The following MTA3 variants were observed in gnomAD, a reference collection of about 807,000 sequenced individuals.
The protein encoded by MTA3 is metastasis associated 1 family member 3.
MTA3 carries 34 observed loss-of-function variants against 83.5 expected under a neutral mutation model. The observed-to-expected ratio is 0.41, with a 90% CI of 0.31 to 0.54. The LOEUF (loss-of-function observed/expected upper bound fraction) is 0.54. Among genes scored for constraint, MTA3 ranks in the 20% least tolerant of loss-of-function variants. The probability of loss-of-function intolerance (pLI) is 0.33; values close to 1 mark genes in which losing one functional copy is unlikely to be tolerated. For missense variants in MTA3, 761 were observed against 726.4 expected (o/e 1.05, Z -0.55); for synonymous variants, 303 against 252.7 (o/e 1.20, Z -1.89).
At chr2:42,613,472 C>A (rs1452439326) in intron 4 of MTA3, among the ~76,000 whole-genome samples, 1 of 152,356 alleles carries the variant, frequency 6.6e-6, no homozygotes. Flanking sequence ...AGCCCACATG[C>A]TGATGTAGAA....
intron 2 of MTA3, among the ~76,000 whole-genome samples, chr2:42,499,655 A>T (rs1201466371): frequency 6.6e-6 from 1 of 151,052 alleles, no homozygotes; most frequent in Non-Finnish European, 1.5e-5. Context: ...CGGGGTGGTG[A>T]TGCATGCCTG....
At chr2:42,676,740 T>G (rs1361929334) in intron 8 of MTA3, among the ~76,000 whole-genome samples, 1 of 152,228 alleles carries the variant, frequency 6.6e-6, no homozygotes, top group Admixed American at 6.5e-5. Context: ...CACTCCAACC[T>G]GGGCAACAGA....
At chr2:42,688,651 G>T (rs1431908609) in intron 9 of MTA3, among the ~76,000 whole-genome samples, 5 of 133,658 alleles carry the variant, frequency 3.7e-5, no homozygotes, top group African/African-American at 8.5e-5. Context: ...CTCCTAATCT[G>T]CAGCTTTTAT....
chr2:42,723,251 T>G, intron 16 of MTA3: 1 of 551,744 alleles, frequency 1.8e-6, no homozygotes, highest in Non-Finnish European at 3.1e-6. Context: ...TCCCATCTCC[T>G]GTTAGGAGGC....
intron 2 of MTA3, among the ~76,000 whole-genome samples, chr2:42,549,621 T>TTATATACATATACATATATAATATATAA (rs1677013060): frequency 2.5e-5 from 3 of 121,456 alleles, no homozygotes; most frequent in South Asian, 2.2e-4. Flanking sequence ...ATATAATATA[T>TTATATACATATACATATATAATATATAA]TATATACATA....
chr2:42,606,059 G>A (rs1190791064), intron 3 of MTA3, among the ~76,000 whole-genome samples: 3 of 121,708 alleles, frequency 2.5e-5, no homozygotes, highest in Non-Finnish European at 5.3e-5. Context: ...GCGGCTGGCC[G>A]GGTGGGGGGG....
At chr2:42,748,201 T>TGTGTGTGTGTGTGTG (rs1553402307) in intron 16 of MTA3, among the ~76,000 whole-genome samples, 16 of 137,714 alleles carry the variant, frequency 1.2e-4, no homozygotes, top group Non-Finnish European at 2.1e-4. Context: ...GCTAATGTGT[T>TGTGTGTGTGTGTGTG]TGTGTGTGTG....
At chr2:42,547,947 G>C (rs1024968526) in intron 2 of MTA3, among the ~76,000 whole-genome samples, 2 of 152,168 alleles carry the variant, frequency 1.3e-5, no homozygotes, top group South Asian at 4.1e-4. Context: ...GTTCGTCCAC[G>C]AGGACTCAAA....
intron 2 of MTA3, among the ~76,000 whole-genome samples, chr2:42,546,480 C>A (rs1676764049): frequency 6.7e-6 from 1 of 148,892 alleles, no homozygotes; most frequent in African/African-American, 2.5e-5. Context: ...GCCATCTAAC[C>A]TGGCAACTTT....
intron 8 of MTA3, among the ~76,000 whole-genome samples, chr2:42,665,278 G>C (rs894204031): frequency 2.4e-4 from 36 of 152,306 alleles, no homozygotes; most frequent in African/African-American, 8.4e-4. Context: ...TGTAGTCCCA[G>C]CTACTCGGGA....
intron 8 of MTA3, among the ~76,000 whole-genome samples, chr2:42,669,844 A>T (rs1228051508): frequency 6.6e-6 from 1 of 152,240 alleles, no homozygotes; most frequent in Admixed American, 6.5e-5. Context: ...TAGAAACATC[A>T]GAAAGGCACT....
intron 15 of MTA3, among the ~76,000 whole-genome samples, chr2:42,721,166 G>C (rs1667382434): frequency 6.6e-6 from 1 of 151,750 alleles, no homozygotes; most frequent in Non-Finnish European, 1.5e-5. Context: ...TAAGTGATTT[G>C]GGGAACACCA....
intron 3 of MTA3, among the ~76,000 whole-genome samples, chr2:42,608,730 T>A (rs1683810946): frequency 6.6e-6 from 1 of 151,778 alleles, no homozygotes; most frequent in Non-Finnish European, 1.5e-5. Context: ...TAAAAATACA[T>A]AAAGTTAGCC....
At chr2:42,536,936 C>G (rs1352571631) in intron 2 of MTA3, among the ~76,000 whole-genome samples, 1 of 151,230 alleles carries the variant, frequency 6.6e-6, no homozygotes, top group Non-Finnish European at 1.5e-5. Flanking sequence ...TATCCCGGAT[C>G]ACCTGGGTGT....
At chr2:42,530,785 G>A (rs1377052016) in intron 2 of MTA3, among the ~76,000 whole-genome samples, 1 of 151,902 alleles carries the variant, frequency 6.6e-6, no homozygotes, top group Non-Finnish European at 1.5e-5. Context: ...AACTCTGTCT[G>A]AAAAAAAGAA....
chr2:42,641,228 T>TA (rs1573434480), intron 5 of MTA3, among the ~76,000 whole-genome samples: 1 of 150,784 alleles, frequency 6.6e-6, no homozygotes, highest in East Asian at 1.9e-4. Context: ...TTTTTTTTTT[T>TA]AAATCTTATA....
At position 42,749,767 on chromosome 2, in the gene MTA3, C is replaced by T. The variant is rs115439158; in HGVS notation, c.1760-3607C>T. Among the ~76,000 whole-genome samples, 453 of 152,144 alleles carry T rather than the reference C, an allele frequency of 3.0e-3. 4 individuals carry two copies. Among genetic ancestry groups the T allele is most frequent in the African/African-American group, 0.01 (425 of 41,514 alleles). ...ACAGGCGTGAGTCACCACACCTGGC[C>T]TCAAACAGTTGTTCTTTATATTTCG... On this transcript the variant is annotated intron_variant, in intron 16 of 16. Transcript: ENST00000405094.
chr2:42,699,905 C>T (rs1485869803), intron 11 of MTA3, among the ~76,000 whole-genome samples: 2 of 151,824 alleles, frequency 1.3e-5, no homozygotes, highest in African/African-American at 4.8e-5. Context: ...TGAGGGATAG[C>T]AATAAGAAAA....
At chr2:42,628,170 C>T (rs1686306521) in intron 4 of MTA3, among the ~76,000 whole-genome samples, 1 of 152,058 alleles carries the variant, frequency 6.6e-6, no homozygotes, top group Admixed American at 6.6e-5. Flanking sequence ...GCTTGAGCCA[C>T]CGTGCCCGGC....
Sources: gnomAD v4.1 joint callset for allele counts (sites outside exome capture counted in the v4.1 genomes callset) on GRCh38, gnomAD v4.1.1 for gene constraint, MANE v1.5 for transcripts, NCBI Gene and HGNC (gene_info 2026-07-23, HGNC 2026-07-21) for gene names.